PTPN9: variants seen among roughly 807,000 people sequenced by gnomAD.
The protein encoded by PTPN9 is protein tyrosine phosphatase non-receptor type 9.
Under a neutral mutation model 69.8 loss-of-function variants are expected in PTPN9, and 26 were observed. The ratio of observed to expected loss-of-function variants is 0.37; its 90% CI spans 0.27 to 0.52. The LOEUF (loss-of-function observed/expected upper bound fraction) is 0.52, where lower values mean the gene tolerates loss of function less well. PTPN9 is among the 20% of genes least tolerant of loss of function. The probability of loss-of-function intolerance (pLI) is 0.91; values close to 1 mark genes in which losing one functional copy is unlikely to be tolerated. For synonymous variants in PTPN9, 274 were observed against 272.5 expected, an observed-to-expected ratio of 1.01 and a Z score of -0.05; for missense variants, 549 against 740.3, an observed-to-expected ratio of 0.74 and a Z score of 3.00.
intron 1 of PTPN9, among the ~76,000 whole-genome samples, chr15:75,550,110 C>T (rs951985333): frequency 2.6e-5 from 4 of 151,588 alleles, no homozygotes; most frequent in African/African-American, 7.3e-5. Flanking sequence ...ACAGCAGAGA[C>T]CCTAACAATC....
Position 75,527,148 on chromosome 15 carries a change from G to C in PTPN9, c.177C>G (p.Leu59=). Residue 59 remains leucine (L), a synonymous_variant, in exon 2 of 13, where the codon CTC becomes CTG. Transcript: ENST00000618819. ...KFLMARKFDV[L]RAIELFHSYR... is the part of the protein sequence containing the mutation. Reference sequence around the variant, plus strand: ...AGGAGTGGAACAATTCTATGGCACGGAGCACATCAAACTTCCTTGCCATGA... The same window carrying C: ...AGGAGTGGAACAATTCTATGGCACGCAGCACATCAAACTTCCTTGCCATGA... 1 of 1,614,132 alleles carries C rather than the reference G, an allele frequency of 6.2e-7. No individual in the cohort carries two copies.
chr15:75,577,311 A>G (rs2075178302), intron 1 of PTPN9, among the ~76,000 whole-genome samples: 1 of 152,248 alleles, frequency 6.6e-6, no homozygotes, highest in Non-Finnish European at 1.5e-5. Context: ...TGAAAGAAAG[A>G]GATTTTGTCC....
intron 9 of PTPN9, among the ~76,000 whole-genome samples, chr15:75,476,176 T>TA (rs2074594980): frequency 6.6e-6 from 1 of 151,954 alleles, no homozygotes; most frequent in Non-Finnish European, 1.5e-5. Context: ...AATAAATAAA[T>TA]AATAGCATAC....
In PTPN9 at chr15:75,564,079, CT is replaced by C. The variant is rs926014384; in HGVS notation, c.63+14634del. On this transcript the variant is annotated intron_variant, in intron 1 of 12. Coordinates refer to ENST00000618819, the MANE Select transcript of PTPN9 (RefSeq NM_002833.4). Reference sequence around the variant, plus strand: ...TGTATAATTATTATGTACATTATGTCTTTTTTTTTTTTTAATAGAGATAAGG... The same window carrying C: ...TGTATAATTATTATGTACATTATGTCTTTTTTTTTTTTAATAGAGATAAGG... 9.6e-3 allele frequency among the ~76,000 whole-genome samples: 1,369 copies of C among 142,522 alleles called. 7 individuals carry two copies. Among genetic ancestry groups the C allele is most frequent in the African/African-American group, 0.011 (446 of 39,064 alleles). 93.5% of individuals were successfully genotyped at this position (142,522 alleles called of 152,430 possible). A position where few individuals can be genotyped will look rare whatever the true frequency, so the allele number is the denominator to read the frequency against.
At chr15:75,482,635 C>T (rs906291125) in intron 8 of PTPN9, among the ~76,000 whole-genome samples, 4 of 142,234 alleles carry the variant, frequency 2.8e-5, no homozygotes, top group Admixed American at 1.4e-4. Context: ...GGGACACAAA[C>T]ACTGCGGAAG....
chr15:75,572,746 TTCACAAG>T, intron 1 of PTPN9, among the ~76,000 whole-genome samples: 1 of 152,044 alleles, frequency 6.6e-6, no homozygotes, highest in African/African-American at 2.4e-5. Flanking sequence ...AAGAAAGGCT[TTCACAAG>T]CCTTCTTGTG....
At chr15:75,554,878 C>A (rs2075070735) in intron 1 of PTPN9, among the ~76,000 whole-genome samples, 1 of 152,196 alleles carries the variant, frequency 6.6e-6, no homozygotes, top group African/African-American at 2.4e-5. Context: ...GCAACTAACA[C>A]TGGAGTAACA....
chr15:75,548,489 C>T (rs185721417), intron 1 of PTPN9, among the ~76,000 whole-genome samples: 22 of 150,894 alleles, frequency 1.5e-4, no homozygotes, highest in African/African-American at 4.1e-4. Context: ...CTCCTGATTT[C>T]GTGATCTGCT....
chr15:75,550,904 C>T (rs2141335146), intron 1 of PTPN9, among the ~76,000 whole-genome samples: 1 of 152,068 alleles, frequency 6.6e-6, no homozygotes, highest in African/African-American at 2.4e-5. Flanking sequence ...CTTTGGCCAC[C>T]CAAAGTGTTG....
intron 1 of PTPN9, among the ~76,000 whole-genome samples, chr15:75,553,101 G>T (rs538167157): frequency 2.6e-4 from 39 of 152,102 alleles, no homozygotes; most frequent in Admixed American, 8.5e-4. Context: ...ACACAAAATT[G>T]CAAGAGGGGA....
chr15:75,482,514 G>C lies in PTPN9; in HGVS notation c.1063-2600C>G, dbSNP rs1402325524. Among the ~76,000 whole-genome samples, 4 of 136,868 alleles carry C rather than the reference G, an allele frequency of 2.9e-5. No homozygotes were observed. The South Asian group carries it at 9.2e-4, about 32-fold the overall frequency. 89.8% of individuals were successfully genotyped at this position (136,868 alleles called of 152,430 possible). On this transcript the variant is annotated intron_variant, in intron 8 of 12. Coordinates refer to ENST00000618819, the MANE Select transcript of PTPN9 (RefSeq NM_002833.4). ...CGGGAGGCGGAGCTTGCAGTGAGCC[G>C]AGATCGTGCCACTGCACTCCAGCCT...
At position 75,464,654 on chromosome 15, in the gene PTPN9, T is replaced by C. The variant is rs2074529706; in HGVS notation, c.*4115A>G. 6.6e-6 allele frequency: 1 copy of C among 152,192 alleles called. No individual in the cohort carries two copies. The highest frequency in any genetic ancestry group is 2.4e-5 in the African/African-American group (1 of 41,452). 9.4% of individuals were successfully genotyped at this position (152,192 alleles called of 1,614,324 possible). On this transcript the variant is annotated 3_prime_UTR_variant, in exon 13 of 13. Transcript: ENST00000618819. ...GTCACTCTAGAGAAGCTTTTCTACT[T>C]GGCCAATGCCTCTTGGCCCAATTCC...
intron 7 of PTPN9, among the ~76,000 whole-genome samples, 154 bp from the exon 8 acceptor site, chr15:75,490,455 A>T (rs1380251273): frequency 2.0e-5 from 3 of 152,218 alleles, no homozygotes; most frequent in Non-Finnish European, 4.4e-5. Context: ...CATATCATTT[A>T]ACATTTTTTG....
intron 4 of PTPN9, among the ~76,000 whole-genome samples, chr15:75,518,821 GAAAAA>G (rs57367538): frequency 3.8e-5 from 5 of 133,282 alleles, no homozygotes; most frequent in African/African-American, 1.3e-4. Context: ...CATCTCAGGG[GAAAAA>G]AAAAAAAAAA....
At chr15:75,520,329 T>A (rs1595959705) in intron 4 of PTPN9, among the ~76,000 whole-genome samples, 1 of 151,980 alleles carries the variant, frequency 6.6e-6, no homozygotes, top group African/African-American at 2.4e-5. Context: ...AAAAGAAGCT[T>A]GGATGCATAA....
At chr15:75,539,422 T>C (rs1459662349) in intron 1 of PTPN9, among the ~76,000 whole-genome samples, 1 of 151,306 alleles carries the variant, frequency 6.6e-6, no homozygotes, top group Non-Finnish European at 1.5e-5. Context: ...CAAGTGATTC[T>C]CCTGCCTCAG....
At chr15:75,494,512 C>G (rs2074729192) in intron 7 of PTPN9, among the ~76,000 whole-genome samples, 1 of 145,870 alleles carries the variant, frequency 6.9e-6, no homozygotes. Flanking sequence ...GCCACCATAC[C>G]TGGCTAATTT....
chr15:75,473,045 G>C (rs2074576797), intron 10 of PTPN9, among the ~76,000 whole-genome samples: 1 of 152,108 alleles, frequency 6.6e-6, no homozygotes, highest in Non-Finnish European at 1.5e-5. Flanking sequence ...ATAGGGAACA[G>C]ATAAAAGGAG....
rs112668828 is a variant in PTPN9 at position 75,560,749 on chromosome 15, G to A, written c.63+17965C>T. 5.7e-3 allele frequency among the ~76,000 whole-genome samples: 866 copies of A among 152,146 alleles called. 7 individuals are homozygous for A. Among genetic ancestry groups the A allele is most frequent in the African/African-American group, 0.019 (803 of 41,526 alleles). On this transcript the variant is annotated intron_variant, in intron 1 of 12. Coordinates refer to ENST00000618819, the MANE Select transcript of PTPN9 (RefSeq NM_002833.4). ...TGTTAATTACTTTAAAGCCAGGCGC[G>A]GTGGCTCACACCTGTAATCCCAGCA...
Sources: gnomAD v4.1 joint callset for allele counts (sites outside exome capture counted in the v4.1 genomes callset) on GRCh38, gnomAD v4.1.1 for gene constraint, MANE v1.5 for transcripts, NCBI Gene and HGNC (gene_info 2026-07-23, HGNC 2026-07-21) for gene names.